NALF1: variants seen among roughly 807,000 people sequenced by gnomAD.
The protein encoded by NALF1 is NALCN channel auxiliary factor 1, also known as family with sequence similarity 155 member A.
A neutral mutation model predicts 48.4 loss-of-function variants in NALF1; 3 were observed. The observed-to-expected ratio is 0.06, with a 90% CI of 0.03 to 0.16. The LOEUF is 0.16. Among genes scored for constraint, NALF1 ranks in the 10% least tolerant of loss-of-function variants. The pLI, the probability that NALF1 is intolerant of heterozygous loss-of-function variation, is 1.00. For synonymous variants in NALF1, 262 were observed against 245.7 expected, an observed-to-expected ratio of 1.07 and a Z score of -0.62; for missense variants, 526 against 571.5, an observed-to-expected ratio of 0.92 and a Z score of 0.81.
At chr13:107,696,570 G>C (rs1881705839) in intron 1 of NALF1, among the ~76,000 whole-genome samples, 2 of 151,760 alleles carry the variant, frequency 1.3e-5, no homozygotes, top group African/African-American at 4.8e-5. Context: ...GTGTGTGTGT[G>C]TGTGTGTGTG....
At chr13:107,753,197 G>A (rs1258736835) in intron 1 of NALF1, among the ~76,000 whole-genome samples, 1 of 152,140 alleles carries the variant, frequency 6.6e-6, no homozygotes, top group East Asian at 1.9e-4. Flanking sequence ...CTCATCCACA[G>A]GCCTTTCCTA....
At position 107,220,534 on chromosome 13, in the gene NALF1, T is replaced by C. The variant is rs1488773040; in HGVS notation, c.916-9779A>G. On this transcript the variant is annotated intron_variant, in intron 1 of 2. Coordinates refer to ENST00000375915, the MANE Select transcript of NALF1 (RefSeq NM_001080396.3). ...CAGAGGACTGGCTGCCTAGGTACCA[T>C]CCAATCTGTCTGTTAATCCCACATT... Among the ~76,000 whole-genome samples the C allele has an allele frequency of 3.3e-5, 5 of 152,300 alleles. No homozygotes were observed. The East Asian group carries it at 7.7e-4, about 24-fold the overall frequency.
chr13:107,225,487 G>T (rs1341556158), intron 1 of NALF1, among the ~76,000 whole-genome samples: 1 of 152,064 alleles, frequency 6.6e-6, no homozygotes, highest in Non-Finnish European at 1.5e-5. Flanking sequence ...GTGTTGCCCA[G>T]GGTGGTCTTG....
At chr13:107,578,187 G>C (rs7336852) in intron 1 of NALF1, among the ~76,000 whole-genome samples, 5 of 151,632 alleles carry the variant, frequency 3.3e-5, no homozygotes, top group Non-Finnish European at 7.4e-5. Context: ...CATTCCGTTT[G>C]TTGACATGTT....
At chr13:107,251,418 C>T (rs1336139786) in intron 1 of NALF1, among the ~76,000 whole-genome samples, 4 of 152,140 alleles carry the variant, frequency 2.6e-5, no homozygotes, top group African/African-American at 7.2e-5. Context: ...TTAAAAGACA[C>T]GAATTTGGTA....
At chr13:107,792,333 T>C (rs1878273425) in intron 1 of NALF1, among the ~76,000 whole-genome samples, 1 of 152,200 alleles carries the variant, frequency 6.6e-6, no homozygotes, top group Admixed American at 6.5e-5. Context: ...AATAGATTTT[T>C]CCTCAAGTCC....
intron 1 of NALF1, among the ~76,000 whole-genome samples, chr13:107,266,816 A>T (rs895433005): frequency 6.6e-6 from 1 of 152,172 alleles, no homozygotes; most frequent in Admixed American, 6.5e-5. Flanking sequence ...AATACTGCAA[A>T]GTTTTCTTCA....
chr13:107,636,730 T>C (rs1281801386), intron 1 of NALF1, among the ~76,000 whole-genome samples: 1 of 151,906 alleles, frequency 6.6e-6, no homozygotes, highest in African/African-American at 2.4e-5. Flanking sequence ...CTATACTTTT[T>C]TCCAGTACAG....
intron 1 of NALF1, among the ~76,000 whole-genome samples, chr13:107,422,812 G>T (rs1245959623): frequency 6.6e-6 from 1 of 152,154 alleles, no homozygotes; most frequent in Non-Finnish European, 1.5e-5. Flanking sequence ...GGGAAAAGGA[G>T]AAGTCAGGGT....
At chr13:107,700,901 A>C (rs1250072001) in intron 1 of NALF1, among the ~76,000 whole-genome samples, 1 of 152,158 alleles carries the variant, frequency 6.6e-6, no homozygotes, top group East Asian at 1.9e-4. Context: ...GCTCAACATC[A>C]CTAATCAAGG....
chr13:107,469,160 A>C (rs1451031743), intron 1 of NALF1, among the ~76,000 whole-genome samples: 1 of 152,186 alleles, frequency 6.6e-6, no homozygotes, highest in African/African-American at 2.4e-5. Context: ...GTCATAAAAA[A>C]AGGTGTCATA....
At chr13:107,724,426 G>C (rs974551373) in intron 1 of NALF1, among the ~76,000 whole-genome samples, 1 of 152,010 alleles carries the variant, frequency 6.6e-6, no homozygotes, top group African/African-American at 2.4e-5. Context: ...AAAATATCTT[G>C]ATAAAACCCA....
intron 1 of NALF1, among the ~76,000 whole-genome samples, chr13:107,499,077 C>A (rs765553651): frequency 6.6e-6 from 1 of 151,518 alleles, no homozygotes; most frequent in Admixed American, 6.6e-5. Flanking sequence ...AATAAAAAAA[C>A]GATCAACACA....
intron 1 of NALF1, among the ~76,000 whole-genome samples, chr13:107,812,458 T>C (rs1303473207): frequency 6.6e-6 from 1 of 152,136 alleles, no homozygotes; most frequent in Admixed American, 6.5e-5. Context: ...TGACATATTT[T>C]ATCTTAGGTC....
At chr13:107,190,343 A>G (rs1879255802) in intron 2 of NALF1, among the ~76,000 whole-genome samples, 1 of 152,332 alleles carries the variant, frequency 6.6e-6, no homozygotes, top group South Asian at 2.1e-4. Context: ...TAATGACAGA[A>G]TGCATACAAA....
At chr13:107,744,929 TCA>T (rs1876744012) in intron 1 of NALF1, among the ~76,000 whole-genome samples, 1 of 152,338 alleles carries the variant, frequency 6.6e-6, no homozygotes, top group East Asian at 1.9e-4. Context: ...ACCGTGACTG[TCA>T]CACAGTGGAC....
intron 2 of NALF1, among the ~76,000 whole-genome samples, chr13:107,197,015 G>A (rs527414509): frequency 6.6e-6 from 1 of 152,200 alleles, no homozygotes; most frequent in South Asian, 2.1e-4. Context: ...CTTTGGAAGG[G>A]ACTTAAGATC....
intron 1 of NALF1, among the ~76,000 whole-genome samples, chr13:107,469,124 A>C (rs1885054751): frequency 6.6e-6 from 1 of 152,174 alleles, no homozygotes; most frequent in African/African-American, 2.4e-5. Flanking sequence ...CTCAGTTTTA[A>C]AATTCTACTC....
intron 2 of NALF1, among the ~76,000 whole-genome samples, chr13:107,200,785 C>T (rs1594066873): frequency 1.3e-5 from 2 of 152,144 alleles, no homozygotes. Context: ...GTGTCATGAG[C>T]ACCACTTATC....
Sources: gnomAD v4.1 joint callset for allele counts (sites outside exome capture counted in the v4.1 genomes callset) on GRCh38, gnomAD v4.1.1 for gene constraint, MANE v1.5 for transcripts, NCBI Gene and HGNC (gene_info 2026-07-23, HGNC 2026-07-21) for gene names.